VRK2: variants seen among roughly 807,000 people sequenced by gnomAD.
VRK2 encodes the protein VRK serine/threonine kinase 2, also known as serine/threonine-protein kinase VRK2.
Under a neutral mutation model 57.6 loss-of-function variants are expected in VRK2, and 60 were observed. The ratio of observed to expected loss-of-function variants is 1.04; its 90% CI spans 0.85 to 1.29. The LOEUF is 1.29. VRK2 is among the 50% of genes most tolerant of loss of function. The probability of loss-of-function intolerance (pLI) is 0.00; values close to 1 mark genes in which losing one functional copy is unlikely to be tolerated. For missense variants in VRK2, 705 were observed against 588.1 expected (o/e 1.20, Z -2.06); for synonymous variants, 231 against 199.2 (o/e 1.16, Z -1.35).
intron 1 of VRK2, among the ~76,000 whole-genome samples, chr2:58,048,347 C>T (rs777948647): frequency 1.3e-5 from 2 of 152,134 alleles, no homozygotes; most frequent in Admixed American, 6.5e-5. Flanking sequence ...CCTAGTATCA[C>T]GGTGGTGAGA....
In VRK2 at chr2:57,991,349, C is replaced by G. The variant is rs140026944; in HGVS notation, c.-438-34316C>G. On this transcript the variant is annotated intron_variant, in intron 1 of 15. Coordinates refer to the VRK2 transcript ENST00000417641. ...TACACTAAAAAAAAGGTAAATATTACTCCATGTAAATTATATTTTAGAAAA... is the reference window on the plus strand; with the variant it reads ...TACACTAAAAAAAAGGTAAATATTAGTCCATGTAAATTATATTTTAGAAAA... Among the ~76,000 whole-genome samples, 614 of 150,538 alleles carry G rather than the reference C, an allele frequency of 4.1e-3. 1 individual carries two copies. The highest frequency in any genetic ancestry group is 7.1e-3 in the Non-Finnish European group (482 of 67,816).
chr2:57,986,902 A>G (rs900138592), intron 1 of VRK2, among the ~76,000 whole-genome samples: 1 of 152,178 alleles, frequency 6.6e-6, no homozygotes, highest in African/African-American at 2.4e-5. Context: ...CCCAGCCTCA[A>G]TTGATTTTTG....
At chr2:58,145,456 TAAG>T (rs963508151) in intron 11 of VRK2, among the ~76,000 whole-genome samples, 1 of 151,950 alleles carries the variant, frequency 6.6e-6, no homozygotes, top group Non-Finnish European at 1.5e-5. Context: ...TTTTAATTAA[TAAG>T]AATTTAAACT....
intron 2 of VRK2, chr2:58,033,096 A>G (rs111645754): frequency 6.6e-6 from 1 of 152,098 alleles, no homozygotes; most frequent in Non-Finnish European, 1.5e-5. Context: ...GTGTTCTGAC[A>G]TTTATGTATT....
chr2:58,066,602 G>C (rs1211107392), intron 2 of VRK2, among the ~76,000 whole-genome samples: 1 of 152,026 alleles, frequency 6.6e-6, no homozygotes, highest in Non-Finnish European at 1.5e-5. Flanking sequence ...GAGTTCTGAA[G>C]TATTCTTTCT....
intron 1 of VRK2, among the ~76,000 whole-genome samples, chr2:58,001,169 A>T (rs1398073757): frequency 6.6e-6 from 1 of 152,170 alleles, no homozygotes; most frequent in Non-Finnish European, 1.5e-5. Flanking sequence ...AAACCGAACT[A>T]TTTTTTCATA....
chr2:57,922,813 T>C (rs1670397724), intron 1 of VRK2, among the ~76,000 whole-genome samples: 1 of 152,008 alleles, frequency 6.6e-6, no homozygotes, highest in African/African-American at 2.4e-5. Flanking sequence ...AGGTACCCTG[T>C]TATGCTATCA....
chr2:58,001,981 C>G (rs1241392666), intron 1 of VRK2, among the ~76,000 whole-genome samples: 1 of 152,128 alleles, frequency 6.6e-6, no homozygotes. Flanking sequence ...ACACCACTAT[C>G]AATTCTGTCA....
intron 1 of VRK2, among the ~76,000 whole-genome samples, chr2:57,916,721 G>C (rs1050007192): frequency 3.9e-5 from 6 of 152,060 alleles, no homozygotes; most frequent in African/African-American, 1.4e-4. Flanking sequence ...AAATAAGACA[G>C]CTTAGACCAT....
At chr2:58,019,972 T>G (rs911761873) in intron 1 of VRK2, among the ~76,000 whole-genome samples, 2 of 152,120 alleles carry the variant, frequency 1.3e-5, no homozygotes, top group African/African-American at 2.4e-5. Flanking sequence ...AAAATAAATC[T>G]AAAACAACGT....
chr2:57,945,499 C>G (rs1269420515), intron 1 of VRK2, among the ~76,000 whole-genome samples: 1 of 152,142 alleles, frequency 6.6e-6, no homozygotes, highest in Admixed American at 6.5e-5. Flanking sequence ...GTTCACCATA[C>G]CTGTAAAGTT....
chr2:58,035,961 C>T (rs1029357211), intron 3 of VRK2, among the ~76,000 whole-genome samples: 2 of 151,960 alleles, frequency 1.3e-5, no homozygotes, highest in Admixed American at 6.6e-5. Flanking sequence ...ACAGAACTTC[C>T]GTTACTAGTT....
At chr2:58,073,648 A>T (rs902291808) in intron 2 of VRK2, among the ~76,000 whole-genome samples, 3 of 142,234 alleles carry the variant, frequency 2.1e-5, no homozygotes, top group Non-Finnish European at 4.6e-5. Flanking sequence ...ATATATATAT[A>T]TATATTTATA....
chr2:57,942,174 T>G (rs1406822656), intron 1 of VRK2, among the ~76,000 whole-genome samples: 3 of 152,186 alleles, frequency 2.0e-5, no homozygotes, highest in Non-Finnish European at 4.4e-5. Context: ...CAGAAGAGGT[T>G]TCCTAGTTTT....
At chr2:58,093,015 A>G (rs1159758140) in intron 7 of VRK2, among the ~76,000 whole-genome samples, 1 of 152,004 alleles carries the variant, frequency 6.6e-6, no homozygotes, top group Admixed American at 6.5e-5. Flanking sequence ...ATGGCTGCAT[A>G]GTATTCCATG....
intron 7 of VRK2, among the ~76,000 whole-genome samples, chr2:58,102,983 A>G (rs1428618459): frequency 6.6e-6 from 1 of 151,760 alleles, no homozygotes; most frequent in Non-Finnish European, 1.5e-5. Context: ...TTCCTCGCTG[A>G]TCTTTGGATC....
intron 1 of VRK2, among the ~76,000 whole-genome samples, chr2:57,944,702 C>T (rs1671205348): frequency 6.6e-6 from 1 of 151,354 alleles, no homozygotes; most frequent in African/African-American, 2.4e-5. Flanking sequence ...TGCCACTGCA[C>T]TCCAGCCTAG....
At chr2:58,051,972 T>C (rs1675812142) in intron 2 of VRK2, among the ~76,000 whole-genome samples, 1 of 152,248 alleles carries the variant, frequency 6.6e-6, no homozygotes. Context: ...GCTGTCATTT[T>C]AGTATCAAAT....
At chr2:57,912,554 G>A (rs1363834796) in intron 1 of VRK2, among the ~76,000 whole-genome samples, 1 of 152,156 alleles carries the variant, frequency 6.6e-6, no homozygotes, top group African/African-American at 2.4e-5. Context: ...CTCAGAAACA[G>A]AGAGGAAATC....
Sources: gnomAD v4.1 joint callset for allele counts (sites outside exome capture counted in the v4.1 genomes callset) on GRCh38, gnomAD v4.1.1 for gene constraint, MANE v1.5 for transcripts, NCBI Gene and HGNC (gene_info 2026-07-23, HGNC 2026-07-21) for gene names.